C1QTNF3: variants seen among roughly 807,000 people sequenced by gnomAD.
C1QTNF3 encodes complement C1q tumor necrosis factor-related protein 3.
Under a neutral mutation model 32.6 loss-of-function variants are expected in C1QTNF3, and 26 were observed. The ratio of observed to expected loss-of-function variants is 0.80; its 90% CI spans 0.58 to 1.11. The LOEUF is 1.11. Ranked by LOEUF, C1QTNF3 falls within the 50% of genes least tolerant of loss-of-function variation. The pLI is 0.00. For missense variants in C1QTNF3, 362 were observed against 398.2 expected, an observed-to-expected ratio of 0.91 and a Z score of 0.77; for synonymous variants, 155 against 146.0, an observed-to-expected ratio of 1.06 and a Z score of -0.44.
chr5:34,154,053 G>C, the C1QTNF3 span, among the ~76,000 whole-genome samples: 1 of 151,370 alleles, frequency 6.6e-6, no homozygotes, highest in Non-Finnish European at 1.5e-5. Flanking sequence ...AATGTCATTT[G>C]GTATAAATAA....
the C1QTNF3 span, among the ~76,000 whole-genome samples, chr5:34,056,566 G>A: frequency 2.1e-5 from 3 of 144,842 alleles, no homozygotes; most frequent in South Asian, 2.3e-4. Flanking sequence ...AGGCTGGAAC[G>A]CAGTGGTATA....
chr5:34,028,711 T>TTA (rs1278751188), intron 4 of C1QTNF3, 43 bp downstream of exon 4: 1 of 1,552,128 alleles, frequency 6.4e-7, no homozygotes, highest in Non-Finnish European at 8.7e-7. Context: ...GTCTTTATTA[T>TTA]TACATTGATT....
chr5:34,168,817 A>G, the C1QTNF3 span: 1 of 152,164 alleles, frequency 6.6e-6, no homozygotes, highest in Non-Finnish European at 1.5e-5. Flanking sequence ...TATTATGAAG[A>G]CCATCGGGCC....
the C1QTNF3 span, among the ~76,000 whole-genome samples, chr5:34,178,082 C>A: frequency 1.7e-5 from 2 of 118,610 alleles, no homozygotes; most frequent in Non-Finnish European, 3.3e-5. Context: ...GCCTGACCAA[C>A]ATGGTGAAAC....
the C1QTNF3 span, among the ~76,000 whole-genome samples, chr5:34,075,124 C>G: frequency 6.6e-6 from 1 of 151,724 alleles, no homozygotes; most frequent in Non-Finnish European, 1.5e-5. Context: ...TCTTAAGTTT[C>G]CATAACTGTG....
At chr5:34,239,934 C>T in the C1QTNF3 span, among the ~76,000 whole-genome samples, 1 of 151,876 alleles carries the variant, frequency 6.6e-6, no homozygotes, top group African/African-American at 2.4e-5. Flanking sequence ...ATATCAAGCA[C>T]ACTCTTAGAT....
At chr5:34,081,325 AAAGAAAT>A in the C1QTNF3 span, among the ~76,000 whole-genome samples, 2 of 151,736 alleles carry the variant, frequency 1.3e-5, no homozygotes, top group African/African-American at 4.9e-5. Flanking sequence ...ATGCATTTGC[AAAGAAAT>A]AAACTGAACA....
the C1QTNF3 span, among the ~76,000 whole-genome samples, chr5:34,060,149 C>T: frequency 6.6e-6 from 1 of 152,240 alleles, no homozygotes; most frequent in Admixed American, 6.5e-5. Flanking sequence ...AATGACATCA[C>T]TGCCTGACTC....
the C1QTNF3 span, among the ~76,000 whole-genome samples, chr5:34,115,452 C>T: frequency 6.6e-6 from 1 of 152,096 alleles, no homozygotes; most frequent in Non-Finnish European, 1.5e-5. Context: ...AGCTGGTGGC[C>T]GGACACGGTG....
chr5:34,067,101 T>C, the C1QTNF3 span, among the ~76,000 whole-genome samples: 1 of 152,230 alleles, frequency 6.6e-6, no homozygotes, highest in Non-Finnish European at 1.5e-5. Flanking sequence ...TTTGCTCCAG[T>C]TCCCAACAAG....
chr5:34,156,637 C>T, the C1QTNF3 span, among the ~76,000 whole-genome samples: 7 of 152,062 alleles, frequency 4.6e-5, no homozygotes, highest in African/African-American at 1.4e-4. Context: ...TTGTGAAATT[C>T]TAACTACTAA....
At chr5:34,099,633 A>G in the C1QTNF3 span, among the ~76,000 whole-genome samples, 1 of 145,914 alleles carries the variant, frequency 6.9e-6, no homozygotes, top group African/African-American at 2.6e-5. Context: ...AGAACAAAGA[A>G]TGAATCAGGA....
the C1QTNF3 span, among the ~76,000 whole-genome samples, chr5:34,175,146 C>G: frequency 6.6e-6 from 1 of 150,690 alleles, no homozygotes; most frequent in Non-Finnish European, 1.5e-5. Context: ...TGTGCTCAGG[C>G]TATCCGCCTG....
At chr5:34,197,485 T>C in the C1QTNF3 span, among the ~76,000 whole-genome samples, 1 of 152,216 alleles carries the variant, frequency 6.6e-6, no homozygotes, top group Non-Finnish European at 1.5e-5. Flanking sequence ...ATTATTGGCA[T>C]TAGATTTTTC....
At chr5:34,131,810 A>C in the C1QTNF3 span, among the ~76,000 whole-genome samples, 1 of 152,224 alleles carries the variant, frequency 6.6e-6, no homozygotes, top group East Asian at 1.9e-4. Context: ...AAATTTTGAC[A>C]TGATGGATAT....
chr5:34,058,414 A>T, the C1QTNF3 span, among the ~76,000 whole-genome samples: 2 of 152,188 alleles, frequency 1.3e-5, no homozygotes, highest in African/African-American at 2.4e-5. Context: ...GACTTGTTTC[A>T]TCACTTTTCT....
At chr5:34,077,533 G>T in the C1QTNF3 span, among the ~76,000 whole-genome samples, 1 of 150,938 alleles carries the variant, frequency 6.6e-6, no homozygotes, top group South Asian at 2.1e-4. Context: ...TCAAAACCTG[G>T]AATTAAAAAA....
the C1QTNF3 span, among the ~76,000 whole-genome samples, chr5:34,157,141 T>C: frequency 2.6e-5 from 4 of 152,200 alleles, no homozygotes; most frequent in African/African-American, 9.7e-5. Flanking sequence ...GCAAATTTCA[T>C]ATGAATGTCT....
the C1QTNF3 span, among the ~76,000 whole-genome samples, chr5:34,088,754 C>T: frequency 6.6e-6 from 1 of 152,134 alleles, no homozygotes. Flanking sequence ...TCAAGCAATC[C>T]TCCCGTCTTG....
Sources: gnomAD v4.1 joint callset for allele counts (sites outside exome capture counted in the v4.1 genomes callset) on GRCh38, gnomAD v4.1.1 for gene constraint, MANE v1.5 for transcripts, NCBI Gene and HGNC (gene_info 2026-07-23, HGNC 2026-07-21) for gene names.